The following NCOR1 variants were observed in gnomAD, a reference collection of about 807,000 sequenced individuals.
NCOR1 encodes nuclear receptor corepressor 1.
Under a neutral mutation model 288.1 loss-of-function variants are expected in NCOR1, and 63 were observed. The observed-to-expected ratio is 0.22, with a 90% CI of 0.18 to 0.27. NCOR1 has a LOEUF of 0.27. Among genes scored for constraint, NCOR1 ranks in the 10% least tolerant of loss-of-function variants. The pLI is 1.00. For synonymous variants in NCOR1, 1,007 were observed against 1,065.9 expected (o/e 0.94, Z 1.08); for missense variants, 2,397 against 3,019.2 (o/e 0.79, Z 4.83).
Position 16,062,125 on chromosome 17 carries a change from T to C in NCOR1, c.5367A>G (p.Pro1789=). The C allele has an allele frequency of 2.5e-6, 4 of 1,612,332 alleles. No homozygotes were observed. The highest frequency in any genetic ancestry group is 3.4e-6 in the Non-Finnish European group (4 of 1,179,630). The change falls in exon 36 of 46, where the codon CCA becomes CCG. Residue 1789 remains proline, a synonymous_variant. Coordinates refer to ENST00000268712, the MANE Select transcript of NCOR1 (RefSeq NM_006311.4). Reference sequence around the variant, plus strand: ...CTGACATGATTCGTAGCTGAGCAGTTGGATCCAAAGGTGTGATTACACTGG... The same window carrying C: ...CTGACATGATTCGTAGCTGAGCAGTCGGATCCAAAGGTGTGATTACACTGG... The part of the protein sequence containing the change: ...NGTSVITPLD[P]TAQLRIMPLP...
At chr17:16,126,648 T>G (rs1335985555) in intron 14 of NCOR1, among the ~76,000 whole-genome samples, 2 of 152,216 alleles carry the variant, frequency 1.3e-5, no homozygotes, top group Non-Finnish European at 2.9e-5. Flanking sequence ...CATTTATACT[T>G]TTGAGCGAAA....
intron 3 of NCOR1, among the ~76,000 whole-genome samples, chr17:16,185,675 C>T (rs184855197): frequency 0.012 from 927 of 77,004 alleles, 5 homozygotes; most frequent in Non-Finnish European, 0.017. Context: ...AAGAGTGAGA[C>T]TCTTTCTCAA....
intron 40 of NCOR1, among the ~76,000 whole-genome samples, chr17:16,052,741 A>T (rs1022821622): frequency 6.6e-6 from 1 of 152,218 alleles, no homozygotes; most frequent in Non-Finnish European, 1.5e-5. Flanking sequence ...TCCCTATCTC[A>T]TTCTATGAGG....
chr17:16,050,384 G>A (rs2059169217), intron 40 of NCOR1, among the ~76,000 whole-genome samples: 1 of 152,026 alleles, frequency 6.6e-6, no homozygotes, highest in Non-Finnish European at 1.5e-5. Flanking sequence ...CACCACACTT[G>A]GCTGATTTTT....
chr17:16,032,215 G>A lies in NCOR1; in HGVS notation c.*81C>T. ...CAGGGAATAAGTCACAGGAGGGCAG[G>A]TTTTTGACCTGCTACTAAAAATTAA... On this transcript the variant is annotated 3_prime_UTR_variant, in exon 46 of 46. Coordinates refer to ENST00000268712, the MANE Select transcript of NCOR1 (RefSeq NM_006311.4). The A allele has an allele frequency of 2.1e-6, 3 of 1,410,802 alleles. No individual in the cohort carries two copies. 87.4% of individuals were successfully genotyped at this position (1,410,802 alleles called of 1,614,324 possible). A position where few individuals can be genotyped will look rare whatever the true frequency, so the allele number is the denominator to read the frequency against.
rs374255995 is a variant in NCOR1 at position 16,034,781 on chromosome 17, G to A, written c.7119C>T (p.Asp2373=). 1.7e-5 allele frequency: 27 copies of A among 1,612,970 alleles called. No individual in the cohort carries two copies. Among genetic ancestry groups the A allele is most frequent in the Non-Finnish European group, 2.3e-5 (27 of 1,179,616 alleles). ...AATCCTTACCTGTTGAAGAGGGCCT[G>A]TCTTCCCAGGCCCACCCTGGCGTCT... ...HRQTPGWAWE[D]RPSSTGSTQF... Residue 2373 remains aspartate (D), a synonymous_variant, in exon 45 of 46, where the codon GAC becomes GAT. Coordinates refer to ENST00000268712, the MANE Select transcript of NCOR1 (RefSeq NM_006311.4).
At chr17:16,123,277 T>C (rs2073363612) in intron 15 of NCOR1, among the ~76,000 whole-genome samples, 1 of 152,202 alleles carries the variant, frequency 6.6e-6, no homozygotes, top group Admixed American at 6.5e-5. Flanking sequence ...CCATACTTCC[T>C]ACATGTGATC....
At chr17:16,068,577 CAAT>C (rs2061386514) in intron 31 of NCOR1, among the ~76,000 whole-genome samples, 1 of 152,144 alleles carries the variant, frequency 6.6e-6, no homozygotes, top group African/African-American at 2.4e-5. Context: ...TGTTCTTCCA[CAAT>C]GACTTTCTCA....
Position 16,098,480 on chromosome 17 carries a change from A to T in NCOR1, c.2707T>A (p.Ser903Thr), listed in dbSNP as rs774016996. The T allele has an allele frequency of 1.2e-6, 2 of 1,608,734 alleles. No individual in the cohort carries two copies. The highest frequency in any genetic ancestry group is 1.7e-6 in the Non-Finnish European group (2 of 1,178,018). ...PERQRMFPMD[S>T]KPSLLNPTGS... ...GTGGGGTTTAACAGTGAAGGCTTTGAGTCCATAGGAAACATTCTGCAATTG... is the reference window on the plus strand; with the variant it reads ...GTGGGGTTTAACAGTGAAGGCTTTGTGTCCATAGGAAACATTCTGCAATTG... Residue 903 changes from serine to threonine, a missense_variant, in exon 21 of 46, where the codon TCA becomes ACA. Physicochemically the swap from Ser to Thr is moderately conservative, Grantham distance 58. Transcript: ENST00000268712.
At chr17:16,193,818 T>TC (rs2089159399) in intron 2 of NCOR1, among the ~76,000 whole-genome samples, 1 of 152,122 alleles carries the variant, frequency 6.6e-6, no homozygotes, top group African/African-American at 2.4e-5. Flanking sequence ...AAAGGAGTCC[T>TC]CAGGAGGACC....
In NCOR1 at chr17:16,092,673, ATATATATATATATATATATATATTTTT is replaced by A. The variant is rs1421957245; in HGVS notation, c.2821-642_2821-616del. Among the ~76,000 whole-genome samples the A allele has an allele frequency of 2.1e-3, 35 of 16,324 alleles. 3 individuals are homozygous for A. The highest frequency in any genetic ancestry group is 2.9e-3 in the Non-Finnish European group (27 of 9,416). The allele number at this position is 16,324 out of a possible 152,430, so 10.7% of individuals were successfully genotyped here. Reference sequence around the variant, plus strand: ...TATATATATATATATATATATATATATATATATATATATATATATATATTTTTTTTTTTTTTTTTTTTTAAGACATAG... The same window carrying A: ...TATATATATATATATATATATATATATTTTTTTTTTTTTTTTAAGACATAG... On this transcript the variant is annotated intron_variant, in intron 21 of 45. Transcript: ENST00000268712.
chr17:16,092,044 T>C lies in NCOR1; in HGVS notation c.2835A>G (p.Pro945=). The change falls in exon 22 of 46, where the codon CCA becomes CCG. Residue 945 remains proline, a synonymous_variant. Transcript: ENST00000268712. ...CTGGGGTTCCAATTGGTATGTTACA[T>C]GGGGTGCAGGATACCTATAGGAAGA... The part of the protein sequence containing the change: ...AVIPPMVSCT[P]CNIPIGTPVS... 11 of 1,613,980 alleles carry C rather than the reference T, an allele frequency of 6.8e-6. No individual in the cohort carries two copies. The highest frequency in any genetic ancestry group is 2.2e-5 in the East Asian group (1 of 44,890).
At chr17:16,081,978 A>ACT (rs2063481072) in intron 23 of NCOR1, among the ~76,000 whole-genome samples, 1 of 152,226 alleles carries the variant, frequency 6.6e-6, no homozygotes, top group African/African-American at 2.4e-5. Context: ...AGACTAAGGC[A>ACT]AAGCTGTTAA....
chr17:16,064,980 A>G lies in NCOR1; in HGVS notation c.4991T>C (p.Val1664Ala), dbSNP rs1196216335. 1 of 1,614,044 alleles carries G rather than the reference A, an allele frequency of 6.2e-7. No individual in the cohort carries two copies. Among genetic ancestry groups the G allele is most frequent in the Non-Finnish European group, 8.5e-7 (1 of 1,179,920 alleles). Residue 1664 changes from valine to alanine, a missense_variant, in exon 34 of 46, where the codon GTG (valine) becomes GCG (alanine). By Grantham distance (64) the Val-to-Ala change is moderately conservative. This residue lies in a region of NCOR1 where 1,872 missense variants were observed against 2,187.8 expected (regional missense o/e 0.86). Coordinates refer to ENST00000268712, the MANE Select transcript of NCOR1 (RefSeq NM_006311.4). ...DLTNMPPTIL[V>A]PHPGGTSTPP... Reference sequence around the variant, plus strand: ...AGTGCTTGTTCCCCCTGGATGAGGCACTAAAATTGTTGGAGGCATATTGGT... The same window carrying G: ...AGTGCTTGTTCCCCCTGGATGAGGCGCTAAAATTGTTGGAGGCATATTGGT...
intron 26 of NCOR1, 32 bp from the exon 27 acceptor site, chr17:16,075,734 A>C: frequency 6.2e-7 from 1 of 1,611,200 alleles, no homozygotes; most frequent in South Asian, 1.1e-5. Context: ...ATAGCAGAGG[A>C]GTCACTCGAG....
rs1555667910 is a variant in NCOR1 at position 16,114,160 on chromosome 17, A to AACAAAAC, written c.2055+3727_2055+3728insGTTTTGT. Among the ~76,000 whole-genome samples, 10 of 106,930 alleles carry AACAAAAC rather than the reference A, an allele frequency of 9.4e-5. 1 individual carries two copies. Among genetic ancestry groups the AACAAAAC allele is most frequent in the Non-Finnish European group, 1.2e-4 (6 of 49,458 alleles). 70.2% of individuals were successfully genotyped at this position (106,930 alleles called of 152,430 possible). A position where few individuals can be genotyped will look rare whatever the true frequency, so the allele number is the denominator to read the frequency against. ...GCGGCAGGCAAAAAAAAAAAAAAAA[A>AACAAAAC]AAAAAAAAACTTGTGCAGGGGAACT... is the stretch of plus-strand genomic sequence containing the variant. On this transcript the variant is annotated intron_variant, in intron 18 of 45. Transcript: ENST00000268712.
At position 16,146,390 on chromosome 17, in the gene NCOR1, T is replaced by C. The variant is rs1432878516; in HGVS notation, c.1068A>G (p.Gln356=). ...AAACTACTCACCGCTGAAATCTTTC[T>C]TGCTGTTCTCTTTGTTTTCGAATTT... is the stretch of plus-strand genomic sequence containing the variant. ...FPEIRKQREQ[Q]ERFQRVGQRG... is the part of the protein sequence containing the mutation. Residue 356 remains glutamine, a synonymous_variant, in exon 10 of 46, where the codon CAA becomes CAG. Transcript: ENST00000268712. The C allele has an allele frequency of 1.9e-6, 3 of 1,606,974 alleles. No individual in the cohort carries two copies. The highest frequency in any genetic ancestry group is 1.7e-5 in the Admixed American group (1 of 58,454).
intron 3 of NCOR1, among the ~76,000 whole-genome samples, chr17:16,178,878 G>C (rs1401214606): frequency 6.6e-6 from 1 of 152,080 alleles, no homozygotes; most frequent in Non-Finnish European, 1.5e-5. Context: ...GCCGATGCAG[G>C]TGGATCACCT....
At chr17:16,064,820 A>T (rs760268009) in intron 34 of NCOR1, 50 bp downstream of exon 34, 1 of 1,475,446 alleles carries the variant, frequency 6.8e-7, no homozygotes, top group Non-Finnish European at 9.1e-7. Context: ...TGTTGTAAAA[A>T]TGTAAACATG....
Sources: allele counts gnomAD v4.1 joint callset (sites outside exome capture counted in the v4.1 genomes callset), GRCh38; gene constraint gnomAD v4.1.1; regional missense constraint gnomAD v4.1.1; transcripts MANE v1.5; gene names NCBI Gene and HGNC (gene_info 2026-07-23, HGNC 2026-07-21).